Variants in BCAS3 observed in about 807,000 individuals in gnomAD.
BCAS3 encodes the protein BCAS4/BCAS3 fusion.
A neutral mutation model predicts 116.1 loss-of-function variants in BCAS3; 53 were observed. The observed-to-expected ratio is 0.46, with a 90% confidence interval of 0.37 to 0.57. The LOEUF (loss-of-function observed/expected upper bound fraction) is 0.57, where lower values mean the gene tolerates loss of function less well. BCAS3 is among the 20% of genes least tolerant of loss of function. The pLI is 0.00. For synonymous variants in BCAS3, 391 were observed against 408.2 expected (o/e 0.96, Z 0.51); for missense variants, 917 against 1,165.4 (o/e 0.79, Z 3.10).
intron 14 of BCAS3, among the ~76,000 whole-genome samples, chr17:60,981,331 G>A (rs1041429122): frequency 6.6e-6 from 1 of 151,562 alleles, no homozygotes; most frequent in African/African-American, 2.4e-5. Context: ...CCAGGCTGGA[G>A]TGCAGTGGCA....
At position 61,077,239 on chromosome 17, in the gene BCAS3, C is replaced by G. The variant is rs991131831; in HGVS notation, c.2131-1094C>G. Among the ~76,000 whole-genome samples, 2 of 152,082 alleles carry G rather than the reference C, an allele frequency of 1.3e-5. No individual in the cohort carries two copies. Among genetic ancestry groups the G allele is most frequent in the East Asian group, 3.8e-4 (2 of 5,198 alleles). On this transcript the variant is annotated intron_variant, in intron 20 of 23. Coordinates refer to ENST00000407086, the MANE Select transcript of BCAS3 (RefSeq NM_017679.5). This position sits in a 1 kb window ranked among gnomAD's most constrained non-coding sequence, Gnocchi z 4.3. The stretch of plus-strand genomic sequence containing the variant: ...TAATGTTTAATAAAGTATTGGCGGC[C>G]GGGCGCAGTGGCTCACGCCTGTAAT...
chr17:61,000,472 T>C (rs945114026), intron 15 of BCAS3, among the ~76,000 whole-genome samples: 2 of 152,022 alleles, frequency 1.3e-5, no homozygotes, highest in Non-Finnish European at 2.9e-5. Flanking sequence ...TTCTGTAAAA[T>C]TGGAATAATA....
rs1443786550 is a variant in BCAS3, at chr17:61,239,186, G to T, written c.2426-129141G>T. On this transcript the variant is annotated intron_variant, in intron 22 of 23. Transcript: ENST00000407086. This position sits in a 1 kb window ranked among gnomAD's most constrained non-coding sequence, Gnocchi z 4.2. Reference sequence around the variant, plus strand: ...AAAAGCAAAAAGGAATAAAATAGCAGGTTACCATAGTATAGATAGTAGGAG... The same window carrying T: ...AAAAGCAAAAAGGAATAAAATAGCATGTTACCATAGTATAGATAGTAGGAG... 2.6e-5 allele frequency among the ~76,000 whole-genome samples: 4 copies of T among 152,150 alleles called. No homozygotes were observed. Among genetic ancestry groups the T allele is most frequent in the African/African-American group, 9.7e-5 (4 of 41,430 alleles).
At chr17:60,679,056 G>A (rs1017447615) in intron 1 of BCAS3, among the ~76,000 whole-genome samples, 2 of 152,040 alleles carry the variant, frequency 1.3e-5, no homozygotes, top group African/African-American at 4.8e-5. Flanking sequence ...AAACCCCGTC[G>A]CTACAAAAAA....
rs1357784615 is a variant in BCAS3 at position 61,051,027 on chromosome 17, G to C, written c.2029+10135G>C. Among the ~76,000 whole-genome samples the C allele has an allele frequency of 1.3e-5, 2 of 151,986 alleles. No individual in the cohort carries two copies. The highest frequency in any genetic ancestry group is 2.4e-5 in the African/African-American group (1 of 41,428). ...ACTAACACACTTTTAAATAGTCCAT[G>C]GTTCACAGAAGAAATCTAAAGGGAA... is the stretch of plus-strand genomic sequence containing the variant. On this transcript the variant is annotated intron_variant, in intron 19 of 23. Transcript: ENST00000407086. This position sits in a 1 kb window ranked among gnomAD's most constrained non-coding sequence, Gnocchi z 4.1.
At chr17:60,759,643 T>C (rs952438360) in intron 6 of BCAS3, among the ~76,000 whole-genome samples, 7 of 134,062 alleles carry the variant, frequency 5.2e-5, no homozygotes, top group Non-Finnish European at 1.2e-4. Context: ...TTTTTTTTTT[T>C]TTTTACTGTT....
chr17:60,812,632 A>T (rs58460620), intron 7 of BCAS3, among the ~76,000 whole-genome samples: 2,069 of 152,260 alleles, frequency 0.014, 48 homozygotes, highest in African/African-American at 0.048. Context: ...TAGGTAGATA[A>T]AGTATACTAG....
At position 61,136,824 on chromosome 17, in the gene BCAS3, C is replaced by G. The variant is rs537814557; in HGVS notation, c.2425+52260C>G. On this transcript the variant is annotated intron_variant, in intron 22 of 23. Coordinates refer to ENST00000407086, the MANE Select transcript of BCAS3 (RefSeq NM_017679.5). This position sits in a 1 kb window ranked among gnomAD's most constrained non-coding sequence, Gnocchi z 4.4. The stretch of plus-strand genomic sequence containing the variant: ...TCCACCCACCTCGGCCTCCCAAAGT[C>G]CTGAGATTACAGGTGTGAGCCACTG... Among the ~76,000 whole-genome samples the G allele has an allele frequency of 2.6e-4, 40 of 152,064 alleles. No homozygotes were observed. Among genetic ancestry groups the G allele is most frequent in the Admixed American group, 1.3e-4 (2 of 15,266 alleles).
chr17:60,847,416 C>T (rs749057394), intron 7 of BCAS3, among the ~76,000 whole-genome samples: 1 of 152,158 alleles, frequency 6.6e-6, no homozygotes, highest in Non-Finnish European at 1.5e-5. Context: ...AAGCTGTTTT[C>T]CACAGGAGAT....
chr17:60,977,787 T>C (rs2062515307), intron 14 of BCAS3, among the ~76,000 whole-genome samples: 1 of 150,854 alleles, frequency 6.6e-6, no homozygotes, highest in Non-Finnish European at 1.5e-5. Context: ...TTACTGAGAA[T>C]GATGATTTCC....
intron 5 of BCAS3, among the ~76,000 whole-genome samples, chr17:60,746,406 G>A (rs1452161795): frequency 6.6e-6 from 1 of 152,000 alleles, no homozygotes; most frequent in African/African-American, 2.4e-5. Flanking sequence ...ATATTACCAT[G>A]CCTCTTTACC....
At chr17:60,761,369 C>A (rs375725182) in intron 6 of BCAS3, among the ~76,000 whole-genome samples, 1 of 152,052 alleles carries the variant, frequency 6.6e-6, no homozygotes, top group Non-Finnish European at 1.5e-5. Flanking sequence ...CCCATGCCCC[C>A]ACTCCACGAC....
intron 13 of BCAS3, among the ~76,000 whole-genome samples, chr17:60,945,976 C>T (rs1036802162): frequency 2.0e-4 from 30 of 151,962 alleles, no homozygotes; most frequent in Non-Finnish European, 4.1e-4. Context: ...AAAAATTAGC[C>T]GGGCATGGTG....
At chr17:60,783,359 C>A (rs1245159704) in intron 6 of BCAS3, among the ~76,000 whole-genome samples, 1 of 152,128 alleles carries the variant, frequency 6.6e-6, no homozygotes, top group Non-Finnish European at 1.5e-5. Flanking sequence ...TGCACACCAC[C>A]ACATCAGGTT....
At chr17:60,778,438 A>G (rs1361168402) in intron 6 of BCAS3, among the ~76,000 whole-genome samples, 1 of 152,220 alleles carries the variant, frequency 6.6e-6, no homozygotes, top group Admixed American at 6.5e-5. Context: ...TTAAATTAAT[A>G]AAATTATTTT....
chr17:61,271,309 A>G (rs1602324265), intron 22 of BCAS3, among the ~76,000 whole-genome samples: 2 of 132,838 alleles, frequency 1.5e-5, no homozygotes, highest in East Asian at 2.5e-4. Context: ...TTGTATTTTT[A>G]GTAGAGATGG....
chr17:60,887,619 A>G (rs543947921), intron 9 of BCAS3, among the ~76,000 whole-genome samples: 4 of 152,274 alleles, frequency 2.6e-5, no homozygotes, highest in South Asian at 2.1e-4. Flanking sequence ...TTCTTTCACC[A>G]TTGACTTGTC....
chr17:61,025,303 T>C (rs914909147), intron 16 of BCAS3, among the ~76,000 whole-genome samples: 4 of 152,020 alleles, frequency 2.6e-5, no homozygotes, highest in African/African-American at 9.7e-5. Context: ...TTTAATGAAG[T>C]AGAATAAAAG....
chr17:60,767,861 C>T (rs1021613315), intron 6 of BCAS3, among the ~76,000 whole-genome samples: 1 of 152,192 alleles, frequency 6.6e-6, no homozygotes, highest in Admixed American at 6.5e-5. Flanking sequence ...AGTTCAGTGG[C>T]GTGATCATGG....
Sources: gnomAD v4.1 joint callset for allele counts (sites outside exome capture counted in the v4.1 genomes callset) on GRCh38, gnomAD v4.1.1 for gene constraint, Gnocchi (gnomAD v3.1) non-coding constraint, MANE v1.5 for transcripts, NCBI Gene and HGNC (gene_info 2026-07-23, HGNC 2026-07-21) for gene names.